MYO1D: variants seen among roughly 807,000 people sequenced by gnomAD.
MYO1D encodes unconventional myosin-Id.
In MYO1D, 83 loss-of-function variants were observed where a neutral mutation model predicts 122.0. The observed-to-expected ratio is 0.68, with a 90% CI of 0.57 to 0.82. The LOEUF is 0.82. MYO1D is among the 40% of genes least tolerant of loss of function. MYO1D has a pLI of 0.00. For synonymous variants in MYO1D, 464 were observed against 446.9 expected (o/e 1.04, Z -0.48); for missense variants, 1,157 against 1,269.5 (o/e 0.91, Z 1.35).
intron 21 of MYO1D, among the ~76,000 whole-genome samples, chr17:32,561,139 T>C (rs1049470966): frequency 1.3e-5 from 2 of 151,890 alleles, no homozygotes; most frequent in African/African-American, 2.4e-5. Context: ...CTCGAACTCC[T>C]GACCTCAGGT....
Position 32,678,441 on chromosome 17 carries a change from A to C in MYO1D, c.2122-19103T>G, listed in dbSNP as rs1464838289. Among the ~76,000 whole-genome samples the C allele has an allele frequency of 5.4e-5, 7 of 129,814 alleles. No homozygotes were observed. In the Admixed American group the frequency reaches 6.2e-4, roughly 11 times the overall value. The allele number at this position is 129,814 out of a possible 152,430, so 85.2% of individuals were successfully genotyped here. ...ACTCCACCACAGTCCCCAGAGTGTG[A>C]TATTCCCCTTCCTGTGTCCATGTGA... On this transcript the variant is annotated intron_variant, in intron 16 of 21. Transcript: ENST00000318217.
intron 17 of MYO1D, 63 bp from the exon 18 acceptor site, chr17:32,654,684 C>CTTT: frequency 1.8e-6 from 2 of 1,085,074 alleles, no homozygotes; most frequent in Non-Finnish European, 2.5e-6. Context: ...TTCTCTCTCT[C>CTTT]TTTTTTTTTT....
chr17:32,572,782 T>C (rs1027839747), intron 21 of MYO1D, among the ~76,000 whole-genome samples: 3 of 152,048 alleles, frequency 2.0e-5, no homozygotes, highest in African/African-American at 7.2e-5. Flanking sequence ...TTAGGGCCTT[T>C]ACTTTTCTGC....
chr17:32,667,760 C>T (rs992403313), intron 16 of MYO1D, among the ~76,000 whole-genome samples: 14 of 152,160 alleles, frequency 9.2e-5, no homozygotes, highest in Non-Finnish European at 1.5e-4. Context: ...CATGAACCTT[C>T]GTTTAGGACA....
At chr17:32,612,696 CA>C (rs1158470135) in intron 20 of MYO1D, among the ~76,000 whole-genome samples, 3,135 of 104,720 alleles carry the variant, frequency 0.03, 27 homozygotes, top group Non-Finnish European at 0.045. Context: ...AAAAAAAAAA[CA>C]AAAAAAAAAA....
At chr17:32,635,795 T>C (rs986309351) in intron 20 of MYO1D, among the ~76,000 whole-genome samples, 2 of 152,066 alleles carry the variant, frequency 1.3e-5, no homozygotes, top group African/African-American at 4.8e-5. Flanking sequence ...GGAGCCTCTA[T>C]AGAAGGAGAA....
At chr17:32,509,995 T>C (rs111516383) in intron 21 of MYO1D, 4 of 152,260 alleles carry the variant, frequency 2.6e-5, no homozygotes, top group African/African-American at 7.2e-5. Flanking sequence ...TACTAGGCAC[T>C]GTATTAAACA....
chr17:32,805,184 C>T (rs1055860329), intron 1 of MYO1D, among the ~76,000 whole-genome samples: 1 of 152,176 alleles, frequency 6.6e-6, no homozygotes, highest in Non-Finnish European at 1.5e-5. Context: ...CCAACAGACA[C>T]CAAATCTGCT....
intron 21 of MYO1D, among the ~76,000 whole-genome samples, chr17:32,549,785 A>C (rs1227948643): frequency 1.3e-5 from 2 of 152,214 alleles, no homozygotes; most frequent in Non-Finnish European, 2.9e-5. Context: ...CACATGAAGG[A>C]CACGTTAATT....
intron 21 of MYO1D, among the ~76,000 whole-genome samples, chr17:32,526,285 C>T (rs998107407): frequency 6.6e-6 from 1 of 152,130 alleles, no homozygotes; most frequent in Non-Finnish European, 1.5e-5. Context: ...TATATTGTTT[C>T]GAACTCAACA....
rs116136294 is a variant in MYO1D at position 32,565,641 on chromosome 17, A to G, written c.2864+39446T>C. Among the ~76,000 whole-genome samples, 498 of 152,294 alleles carry G rather than the reference A, an allele frequency of 3.3e-3. 4 individuals carry two copies. Among genetic ancestry groups the G allele is most frequent in the African/African-American group, 0.011 (465 of 41,578 alleles). ...AGCTAGGTCATGGCCATCAGTAAAC[A>G]TTATCAAGTAATGACTTTGTTACCA... On this transcript the variant is annotated intron_variant, in intron 21 of 21. Transcript: ENST00000318217.
intron 1 of MYO1D, among the ~76,000 whole-genome samples, chr17:32,844,861 G>GA (rs1453925230): frequency 6.6e-6 from 1 of 152,092 alleles, no homozygotes; most frequent in Non-Finnish European, 1.5e-5. Context: ...TTGTGTTTAT[G>GA]AAACACTTGA....
chr17:32,647,487 G>A (rs759423876), intron 19 of MYO1D, among the ~76,000 whole-genome samples: 1 of 152,134 alleles, frequency 6.6e-6, no homozygotes, highest in Non-Finnish European at 1.5e-5. Flanking sequence ...TGTCATTGCT[G>A]GAAAGATAGA....
At chr17:32,560,787 T>G (rs949373543) in intron 21 of MYO1D, among the ~76,000 whole-genome samples, 3 of 150,972 alleles carry the variant, frequency 2.0e-5, no homozygotes, top group African/African-American at 7.3e-5. Flanking sequence ...TCCTAGTTAA[T>G]TTTTGTATTT....
At chr17:32,569,716 C>T (rs975519971) in intron 21 of MYO1D, among the ~76,000 whole-genome samples, 3 of 152,204 alleles carry the variant, frequency 2.0e-5, no homozygotes, top group Non-Finnish European at 4.4e-5. Flanking sequence ...TTTCCAGTTG[C>T]TTTACAGACT....
At chr17:32,545,689 G>T (rs2150881126) in intron 21 of MYO1D, among the ~76,000 whole-genome samples, 1 of 152,064 alleles carries the variant, frequency 6.6e-6, no homozygotes, top group Middle Eastern at 3.4e-3. Flanking sequence ...CATTCTTATT[G>T]TGATACATAA....
At chr17:32,509,491 T>A (rs894791326) in intron 21 of MYO1D, among the ~76,000 whole-genome samples, 3 of 152,222 alleles carry the variant, frequency 2.0e-5, no homozygotes, top group Non-Finnish European at 2.9e-5. Flanking sequence ...GCCATTTTTA[T>A]GTCCTGAGGT....
At chr17:32,531,748 G>C (rs1211836224) in intron 21 of MYO1D, among the ~76,000 whole-genome samples, 1 of 152,188 alleles carries the variant, frequency 6.6e-6, no homozygotes, top group Non-Finnish European at 1.5e-5. Context: ...GTGAAGGCTT[G>C]GCTAGATTAT....
chr17:32,862,547 A>G (rs2091086718), intron 1 of MYO1D, among the ~76,000 whole-genome samples: 1 of 152,254 alleles, frequency 6.6e-6, no homozygotes, highest in Admixed American at 6.5e-5. Context: ...ACTGTAAAGG[A>G]AATAAATCAA....
Sources: gnomAD v4.1 joint callset for allele counts (sites outside exome capture counted in the v4.1 genomes callset) on GRCh38, gnomAD v4.1.1 for gene constraint, MANE v1.5 for transcripts, NCBI Gene and HGNC (gene_info 2026-07-23, HGNC 2026-07-21) for gene names.